ATP10A: variants seen among roughly 807,000 people sequenced by gnomAD.
The protein encoded by ATP10A is ATPase phospholipid transporting 10A (putative).
Under a neutral mutation model 147.8 loss-of-function variants are expected in ATP10A, and 111 were observed. The ratio of observed to expected loss-of-function variants is 0.75; its 90% CI spans 0.64 to 0.88. ATP10A has a LOEUF of 0.88. Ranked by LOEUF, ATP10A falls within the 40% of genes least tolerant of loss-of-function variation. The probability of loss-of-function intolerance (pLI) is 0.00; values close to 1 mark genes in which losing one functional copy is unlikely to be tolerated. For synonymous variants in ATP10A, 875 were observed against 841.6 expected (o/e 1.04, Z -0.69); for missense variants, 1,927 against 1,959.0 (o/e 0.98, Z 0.31).
intron 1 of ATP10A, among the ~76,000 whole-genome samples, chr15:25,800,520 G>T (rs980412740): frequency 6.6e-6 from 1 of 152,178 alleles, no homozygotes; most frequent in African/African-American, 2.4e-5. Flanking sequence ...AGCTGACCAC[G>T]CTCCTTCACT....
At chr15:25,853,406 C>T (rs1291433907) in intron 1 of ATP10A, among the ~76,000 whole-genome samples, 1 of 152,166 alleles carries the variant, frequency 6.6e-6, no homozygotes, top group African/African-American at 2.4e-5. Context: ...CTTCCCAAAA[C>T]GTGGGGAAGC....
intron 1 of ATP10A, among the ~76,000 whole-genome samples, chr15:25,788,499 G>A (rs1370598047): frequency 6.6e-6 from 1 of 152,242 alleles, no homozygotes. Context: ...TGTCAACAGT[G>A]ACTGTTCAAT....
Position 25,863,014 on chromosome 15 carries a change from CGCACCGTGCGCG to C in ATP10A, c.71_82del (p.Thr24_Arg28delinsSer). 7.3e-7 allele frequency: 1 copy of C among 1,364,834 alleles called. No individual in the cohort carries two copies. The highest frequency in any genetic ancestry group is 9.4e-7 in the Non-Finnish European group (1 of 1,067,756). The allele number at this position is 1,364,834 out of a possible 1,614,324, so 84.5% of individuals were successfully genotyped here. A position where few individuals can be genotyped will look rare whatever the true frequency, so the allele number is the denominator to read the frequency against. ...GCCCGGGGGCGGCAGCAGGTTGGAG[CGCACCGTGCGCG>C]TCCTGCCCTCTCGGCGCCTCCGCCG... On this transcript the variant is annotated inframe_deletion, in exon 1 of 21. Transcript: ENST00000555815.
At chr15:25,754,631 C>T (rs1888323498) in intron 2 of ATP10A, among the ~76,000 whole-genome samples, 1 of 152,170 alleles carries the variant, frequency 6.6e-6, no homozygotes, top group South Asian at 2.1e-4. Context: ...GAGGTAAAGT[C>T]ATCCCGGCCC....
intron 2 of ATP10A, among the ~76,000 whole-genome samples, chr15:25,751,425 C>T (rs899950187): frequency 2.0e-5 from 3 of 152,080 alleles, no homozygotes; most frequent in Admixed American, 6.6e-5. Context: ...ACCTGTTTGA[C>T]ATCTATAAAA....
At chr15:25,730,176 C>G (rs1317427289) in intron 3 of ATP10A, among the ~76,000 whole-genome samples, 1 of 151,624 alleles carries the variant, frequency 6.6e-6, no homozygotes, top group Non-Finnish European at 1.5e-5. Flanking sequence ...TGGTACACAC[C>G]TGTAATCCCA....
intron 1 of ATP10A, among the ~76,000 whole-genome samples, chr15:25,791,956 AGT>A (rs1890446416): frequency 6.6e-6 from 1 of 152,052 alleles, no homozygotes; most frequent in African/African-American, 2.4e-5. Flanking sequence ...GTTGTTTCCA[AGT>A]ATTGCTTGTT....
At chr15:25,807,013 C>G (rs181809495) in intron 1 of ATP10A, among the ~76,000 whole-genome samples, 3 of 152,258 alleles carry the variant, frequency 2.0e-5, no homozygotes, top group Admixed American at 6.5e-5. Flanking sequence ...TTCCATCAAA[C>G]GGAGGGGCAT....
rs146968072 is a variant in ATP10A, at chr15:25,718,200, C to T, written c.1563G>A (p.Thr521=). The part of the protein sequence containing the change: ...AKRASMLSKH[T]AFSSPMEKDI... Reference sequence around the variant, plus strand: ...CACTCACCATGGGGCTGCTGAAGGCCGTGTGCTTGGACAGCATGCTGGCCC... The same window carrying T: ...CACTCACCATGGGGCTGCTGAAGGCTGTGTGCTTGGACAGCATGCTGGCCC... Residue 521 remains threonine (T), a synonymous_variant, in exon 8 of 21, where the codon ACG becomes ACA. Transcript: ENST00000555815. The T allele has an allele frequency of 2.5e-6, 4 of 1,613,004 alleles. No individual in the cohort carries two copies. The highest frequency in any genetic ancestry group is 2.5e-6 in the Non-Finnish European group (3 of 1,179,946).
intron 10 of ATP10A, chr15:25,709,084 T>C (rs1901231555): frequency 1.3e-5 from 2 of 152,096 alleles, no homozygotes; most frequent in South Asian, 4.2e-4. Context: ...CTCAAGGGAG[T>C]GATCACTGGT....
At chr15:25,694,589 C>T (rs187196377) in intron 14 of ATP10A, among the ~76,000 whole-genome samples, 39 of 152,328 alleles carry the variant, frequency 2.6e-4, no homozygotes, top group Admixed American at 9.1e-4. Context: ...AAAGCAGCAC[C>T]GGATTACTGA....
At chr15:25,683,236 TG>T (rs746018861) in intron 17 of ATP10A, 49 bp downstream of exon 17, 1 of 1,564,414 alleles carries the variant, frequency 6.4e-7, no homozygotes, top group Non-Finnish European at 8.8e-7. Context: ...AGAGTGAACG[TG>T]GAGGGCAGAG....
intron 1 of ATP10A, among the ~76,000 whole-genome samples, chr15:25,834,818 T>G (rs2140878257): frequency 6.6e-6 from 1 of 152,308 alleles, no homozygotes; most frequent in East Asian, 1.9e-4. Context: ...GGCTACAATA[T>G]GAATGAGCCT....
At chr15:25,834,696 C>T (rs1046093726) in intron 1 of ATP10A, among the ~76,000 whole-genome samples, 2 of 152,012 alleles carry the variant, frequency 1.3e-5, no homozygotes, top group East Asian at 1.9e-4. Flanking sequence ...TCATAGTAGC[C>T]AAAAGTAGAA....
intron 1 of ATP10A, among the ~76,000 whole-genome samples, chr15:25,847,744 T>C (rs1248554691): frequency 6.9e-6 from 1 of 144,958 alleles, no homozygotes; most frequent in Non-Finnish European, 1.5e-5. Flanking sequence ...GCTCAAACAA[T>C]CTCAGCCCCG....
In ATP10A at chr15:25,731,346, G is replaced by A. The variant is rs537560815; in HGVS notation, c.741-4080C>T. On this transcript the variant is annotated intron_variant, in intron 3 of 20. Transcript: ENST00000555815. ...AGACATAACAATTATAAATATGTAT[G>A]CATCCAATATCAAAGCACCCAAGTA... Among the ~76,000 whole-genome samples the A allele has an allele frequency of 3.3e-5, 5 of 152,352 alleles. No individual in the cohort carries two copies. In the East Asian group the frequency reaches 9.6e-4, roughly 29 times the overall value.
intron 1 of ATP10A, among the ~76,000 whole-genome samples, chr15:25,821,210 G>A (rs960570790): frequency 6.6e-6 from 1 of 151,988 alleles, no homozygotes. Flanking sequence ...GACCAGCCTG[G>A]GCTACATAGC....
intron 1 of ATP10A, among the ~76,000 whole-genome samples, chr15:25,807,304 G>C (rs1891230729): frequency 6.6e-6 from 1 of 152,202 alleles, no homozygotes; most frequent in South Asian, 2.1e-4. Context: ...CAGCCCAGGG[G>C]CCTTCCTGCC....
intron 1 of ATP10A, among the ~76,000 whole-genome samples, chr15:25,786,795 T>G (rs1274675239): frequency 6.7e-6 from 1 of 148,372 alleles, no homozygotes; most frequent in East Asian, 2.0e-4. Flanking sequence ...CCAGCTAGTT[T>G]TTTTTTTTTT....
Sources: gnomAD v4.1 joint callset for allele counts (sites outside exome capture counted in the v4.1 genomes callset) on GRCh38, gnomAD v4.1.1 for gene constraint, MANE v1.5 for transcripts, NCBI Gene and HGNC (gene_info 2026-07-23, HGNC 2026-07-21) for gene names.